The following CACNA1C variants were observed in gnomAD, a reference collection of about 807,000 sequenced individuals.
CACNA1C encodes voltage-dependent L-type calcium channel subunit alpha-1C.
CACNA1C carries 30 observed loss-of-function variants against 229.0 expected under a neutral mutation model. The observed-to-expected ratio is 0.13, with a 90% CI of 0.10 to 0.18. The LOEUF (loss-of-function observed/expected upper bound fraction) is 0.18. CACNA1C is among the 10% of genes least tolerant of loss of function. The probability of loss-of-function intolerance (pLI) is 1.00; values close to 1 mark genes in which losing one functional copy is unlikely to be tolerated. For missense variants in CACNA1C, 1,658 were observed against 2,845.0 expected (o/e 0.58, Z 9.49); for synonymous variants, 1,114 against 1,132.5 (o/e 0.98, Z 0.33).
At position 2,115,270 on chromosome 12, in the gene CACNA1C, C is replaced by T. The variant is rs1326487800; in HGVS notation, c.96C>T (p.Ala32=). ...GCCCCGCCCATGCCAACATGAATGCCAATGCGGCAGCGGGGCTGGCCCCTG... is the reference window on the plus strand; with the variant it reads ...GCCCCGCCCATGCCAACATGAATGCTAATGCGGCAGCGGGGCTGGCCCCTG... ...SPRPAHANMN[A]NAAAGLAPEH... The change falls in exon 2 of 47, where the codon GCC becomes GCT. Residue 32 remains alanine (A), a synonymous_variant. Transcript: ENST00000399655. 6.3e-7 allele frequency: 1 copy of T among 1,592,334 alleles called. No homozygotes were observed. The highest frequency in any genetic ancestry group is 8.6e-7 in the Non-Finnish European group (1 of 1,168,928).
intron 1 of CACNA1C, chr12:1,991,813 T>C (rs2154474019): frequency 6.5e-6 from 1 of 155,016 alleles, no homozygotes; most frequent in Admixed American, 6.4e-5. Context: ...GGTATAGTAG[T>C]TAATATGTGA....
intron 4 of CACNA1C, among the ~76,000 whole-genome samples, chr12:2,456,335 G>A (rs549439882): frequency 2.6e-5 from 4 of 152,294 alleles, no homozygotes; most frequent in East Asian, 1.9e-4. Flanking sequence ...GCTGGTCTCT[G>A]GCCTCGCCCC....
intron 30 of CACNA1C, among the ~76,000 whole-genome samples, chr12:2,643,970 G>A (rs775794339): frequency 6.6e-6 from 1 of 152,212 alleles, no homozygotes; most frequent in Non-Finnish European, 1.5e-5. Context: ...AGTACAAGCG[G>A]AGAAGCGGAG....
intron 11 of CACNA1C, among the ~76,000 whole-genome samples, chr12:2,564,318 T>A (rs1779769069): frequency 6.6e-6 from 1 of 152,220 alleles, no homozygotes; most frequent in African/African-American, 2.4e-5. Context: ...TGGGCTGCAG[T>A]GTGAGGTTTG....
At chr12:2,039,349 G>A (rs979086479) in intron 1 of CACNA1C, among the ~76,000 whole-genome samples, 8 of 152,162 alleles carry the variant, frequency 5.3e-5, no homozygotes, top group Non-Finnish European at 1.2e-4. Flanking sequence ...GATAGAAGTA[G>A]GGCAGGTCTC....
intron 2 of CACNA1C, among the ~76,000 whole-genome samples, chr12:2,119,355 G>T (rs920603055): frequency 4.6e-5 from 7 of 152,252 alleles, no homozygotes; most frequent in African/African-American, 1.7e-4. Context: ...GGCAGTGGGA[G>T]CGGGGTAGGT....
intron 3 of CACNA1C, among the ~76,000 whole-genome samples, chr12:2,315,205 G>A (rs2095627527): frequency 6.6e-6 from 1 of 152,242 alleles, no homozygotes; most frequent in Middle Eastern, 3.4e-3. Flanking sequence ...AATCTTCAAG[G>A]CCAGATGAGC....
chr12:2,054,272 C>A lies in CACNA1C; in HGVS notation c.49+661C>A, dbSNP rs1677807969. 6.6e-6 allele frequency among the ~76,000 whole-genome samples: 1 copy of A among 152,212 alleles called. No individual in the cohort carries two copies. Among genetic ancestry groups the A allele is most frequent in the Non-Finnish European group, 1.5e-5 (1 of 68,024 alleles). On this transcript the variant is annotated intron_variant, in intron 1 of 46. Transcript: ENST00000399655. This position sits in a 1 kb window ranked among gnomAD's most constrained non-coding sequence, Gnocchi z 5.5. ...CCCTCCTCCGCCGCTCACCTACACC[C>A]ACCCACCTCTCCACTGCTGTTGACC...
intron 1 of CACNA1C, among the ~76,000 whole-genome samples, chr12:2,001,317 T>A (rs2042152869): frequency 6.6e-6 from 1 of 152,190 alleles, no homozygotes; most frequent in Non-Finnish European, 1.5e-5. Flanking sequence ...AGGACTTTTA[T>A]GTGAAAGTAT....
intron 3 of CACNA1C, among the ~76,000 whole-genome samples, chr12:2,148,447 G>T (rs2094925157): frequency 6.6e-6 from 1 of 151,218 alleles, no homozygotes; most frequent in South Asian, 2.1e-4. Flanking sequence ...GGCTCCAGGG[G>T]TTCTGGGTCA....
At chr12:2,180,928 G>T (rs907199877) in intron 3 of CACNA1C, among the ~76,000 whole-genome samples, 1 of 152,174 alleles carries the variant, frequency 6.6e-6, no homozygotes, top group Non-Finnish European at 1.5e-5. Flanking sequence ...GACGGGTGCA[G>T]CTTGGGATTG....
At chr12:2,349,231 G>A (rs1369802188) in intron 3 of CACNA1C, among the ~76,000 whole-genome samples, 3 of 152,166 alleles carry the variant, frequency 2.0e-5, no homozygotes, top group East Asian at 1.9e-4. Flanking sequence ...TACAAACACC[G>A]TTAGGACTGA....
chr12:2,001,099 G>A (rs910547816), intron 1 of CACNA1C, among the ~76,000 whole-genome samples: 3 of 151,384 alleles, frequency 2.0e-5, no homozygotes, highest in African/African-American at 4.9e-5. Flanking sequence ...ATGAAAAAAC[G>A]TCAGGCGCTC....
chr12:2,105,498 G>C (rs933877169), intron 1 of CACNA1C, among the ~76,000 whole-genome samples: 2 of 152,218 alleles, frequency 1.3e-5, no homozygotes, highest in Admixed American at 6.5e-5. Flanking sequence ...TGCTGGAAAT[G>C]GTGTGAAAAT....
chr12:2,605,860 T>C lies in CACNA1C; in HGVS notation c.3156+74T>C. ...ATTCCTGGGGAAGGGAACTGGCAGA[T>C]ATAGTACAAACGAGACAGTGTCCTG... is the stretch of plus-strand genomic sequence containing the variant. On this transcript the variant is annotated intron_variant, in intron 24 of 46. Coordinates refer to ENST00000399655, the MANE Select transcript of CACNA1C (RefSeq NM_000719.7). This position sits in a 1 kb window ranked among gnomAD's most constrained non-coding sequence, Gnocchi z 6.2. 9.6e-7 allele frequency: 1 copy of C among 1,042,222 alleles called. No homozygotes were observed. The highest frequency in any genetic ancestry group is 1.5e-6 in the Non-Finnish European group (1 of 663,394). The allele number at this position is 1,042,222 out of a possible 1,614,324, so 64.6% of individuals were successfully genotyped here. A position where few individuals can be genotyped will look rare whatever the true frequency, so the allele number is the denominator to read the frequency against.
chr12:2,501,076 G>A (rs1345196944), intron 7 of CACNA1C, among the ~76,000 whole-genome samples: 5 of 151,200 alleles, frequency 3.3e-5, no homozygotes, highest in African/African-American at 1.2e-4. Flanking sequence ...AGGTGTGGTG[G>A]CGGGTGCCTG....
chr12:2,235,269 A>G (rs2066903922), intron 3 of CACNA1C, among the ~76,000 whole-genome samples: 1 of 152,140 alleles, frequency 6.6e-6, no homozygotes, highest in Non-Finnish European at 1.5e-5. Flanking sequence ...AGAAATGCCT[A>G]ATTAACTCAG....
intron 12 of CACNA1C, among the ~76,000 whole-genome samples, chr12:2,567,363 T>C (rs911919887): frequency 1.3e-5 from 2 of 152,244 alleles, no homozygotes; most frequent in Non-Finnish European, 2.9e-5. Context: ...GCATGGGAGA[T>C]GCTCAGTAAA....
intron 1 of CACNA1C, among the ~76,000 whole-genome samples, chr12:1,997,779 T>C (rs2041285520): frequency 6.6e-6 from 1 of 152,268 alleles, no homozygotes; most frequent in Non-Finnish European, 1.5e-5. Flanking sequence ...TTATTTGGTA[T>C]TCCCTTCTTC....
Sources: gnomAD v4.1 joint callset for allele counts (sites outside exome capture counted in the v4.1 genomes callset) on GRCh38, gnomAD v4.1.1 for gene constraint, Gnocchi (gnomAD v3.1) non-coding constraint, MANE v1.5 for transcripts, NCBI Gene and HGNC (gene_info 2026-07-23, HGNC 2026-07-21) for gene names.